The following GREB1 variants were observed in gnomAD, a reference collection of about 807,000 sequenced individuals.
GREB1 encodes the protein growth regulating estrogen receptor binding 1, also known as protein GREB1.
Under a neutral mutation model 200.7 loss-of-function variants are expected in GREB1, and 106 were observed. That is an observed-to-expected ratio of 0.53 (90% CI 0.45 to 0.62). The LOEUF is 0.62. Ranked by LOEUF, GREB1 falls within the 20% of genes least tolerant of loss-of-function variation. The probability of loss-of-function intolerance (pLI) is 0.00; values close to 1 mark genes in which losing one functional copy is unlikely to be tolerated. For missense variants in GREB1, 2,243 were observed against 2,556.8 expected, an observed-to-expected ratio of 0.88 and a Z score of 2.65; for synonymous variants, 1,132 against 1,092.4, an observed-to-expected ratio of 1.04 and a Z score of -0.72.
At chr2:11,557,254 G>A (rs1209242715) in intron 2 of GREB1, among the ~76,000 whole-genome samples, 1 of 152,136 alleles carries the variant, frequency 6.6e-6, no homozygotes, top group Non-Finnish European at 1.5e-5. Flanking sequence ...AATTCTCTTC[G>A]GGCATAGGGA....
chr2:11,574,198 C>T (rs1026088586), intron 4 of GREB1, among the ~76,000 whole-genome samples: 3 of 152,206 alleles, frequency 2.0e-5, no homozygotes, highest in African/African-American at 4.8e-5. Flanking sequence ...CGATGTTAAC[C>T]GGCTGCCTGC....
chr2:11,507,946 C>T (rs981294258), intron 1 of GREB1, among the ~76,000 whole-genome samples: 3 of 152,194 alleles, frequency 2.0e-5, no homozygotes, highest in Non-Finnish European at 4.4e-5. Flanking sequence ...CTCATCTAAA[C>T]AGAGGCTGCA....
At chr2:11,614,125 A>AT (rs34678522) in intron 19 of GREB1, among the ~76,000 whole-genome samples, 8,802 of 99,482 alleles carry the variant, frequency 0.088, 459 homozygotes, top group East Asian at 0.3. Context: ...GCGGACTTAG[A>AT]TTTTTTTTTT....
intron 21 of GREB1, among the ~76,000 whole-genome samples, chr2:11,617,123 T>G (rs1683477538): frequency 6.6e-6 from 1 of 152,190 alleles, no homozygotes; most frequent in Admixed American, 6.5e-5. Context: ...ACATGGAGAC[T>G]TCACTGGGGG....
chr2:11,548,861 CT>C lies in GREB1; in HGVS notation c.-161-7592del, dbSNP rs1675544309. On this transcript the variant is annotated intron_variant, in intron 1 of 32. Coordinates refer to ENST00000381486, the MANE Select transcript of GREB1 (RefSeq NM_014668.4). This position sits in a 1 kb window ranked among gnomAD's most constrained non-coding sequence, Gnocchi z 5.1. ...CATTTCAGAAAATGGTTTTACTCTA[CT>C]CTCACTTTGATTATTATTTTTGTTG... Among the ~76,000 whole-genome samples, 1 of 152,176 alleles carries C rather than the reference CT, an allele frequency of 6.6e-6. No individual in the cohort carries two copies. Among genetic ancestry groups the C allele is most frequent in the Non-Finnish European group, 1.5e-5 (1 of 68,038 alleles).
At chr2:11,588,278 GT>G (rs1680374553) in intron 9 of GREB1, 1 of 1,072,304 alleles carries the variant, frequency 9.3e-7, no homozygotes, top group African/African-American at 1.7e-5. Flanking sequence ...GTGATATATT[GT>G]CCCAACTCAC....
intron 22 of GREB1, among the ~76,000 whole-genome samples, chr2:11,620,269 C>G (rs1248537433): frequency 6.6e-6 from 1 of 152,152 alleles, no homozygotes. Context: ...GCCAGGAAAC[C>G]CACGCCTGTA....
chr2:11,562,310 G>A (rs954545818), intron 2 of GREB1, among the ~76,000 whole-genome samples, 153 bp from the exon 3 acceptor site: 1 of 152,226 alleles, frequency 6.6e-6, no homozygotes, highest in African/African-American at 2.4e-5. Context: ...GACGTGCTGA[G>A]TGCTTGTTAA....
chr2:11,587,331 C>G, intron 9 of GREB1: 1 of 1,312,076 alleles, frequency 7.6e-7, no homozygotes, highest in Non-Finnish European at 1.1e-6. Flanking sequence ...TGACAAATGT[C>G]ACATACTTGC....
At chr2:11,636,674 G>A (rs1558674797) in intron 30 of GREB1, among the ~76,000 whole-genome samples, 1 of 152,214 alleles carries the variant, frequency 6.6e-6, no homozygotes, top group Non-Finnish European at 1.5e-5. Context: ...GGGAAGTGAT[G>A]TTAAAGGAGA....
chr2:11,605,783 T>C (rs1682225906), intron 17 of GREB1, among the ~76,000 whole-genome samples: 1 of 152,232 alleles, frequency 6.6e-6, no homozygotes, highest in Non-Finnish European at 1.5e-5. Context: ...AATAGTTTGT[T>C]CCTTTTTACT....
chr2:11,638,544 T>C, intron 31 of GREB1, 127 bp from the exon 32 acceptor site: 1 of 698,824 alleles, frequency 1.4e-6, no homozygotes, highest in Non-Finnish European at 2.4e-6. Context: ...GAAAATATTG[T>C]CTCTGGCCCC....
rs1026976995 is a variant in GREB1, at chr2:11,591,384, ACTTT to A, written c.1346-1388_1346-1385del. 5.4e-6 allele frequency: 4 copies of A among 734,428 alleles called. No homozygotes were observed. In the African/African-American group the frequency reaches 6.8e-5, roughly 13 times the overall value. 45.5% of individuals were successfully genotyped at this position (734,428 alleles called of 1,614,324 possible). A position where few individuals can be genotyped will look rare whatever the true frequency, so the allele number is the denominator to read the frequency against. ...CACCTTCTAAATGGAAGCCTGACGCACTTTCTTCCAGCACATCAAATACGAAATC... is the reference window on the plus strand; with the variant it reads ...CACCTTCTAAATGGAAGCCTGACGCACTTCCAGCACATCAAATACGAAATC... On this transcript the variant is annotated intron_variant, in intron 10 of 32. Transcript: ENST00000381486.
intron 1 of GREB1, among the ~76,000 whole-genome samples, chr2:11,552,447 A>G (rs957483724): frequency 1.3e-5 from 2 of 152,234 alleles, no homozygotes; most frequent in Admixed American, 1.3e-4. Flanking sequence ...TCTCCACTCC[A>G]TGCGGCATTT....
chr2:11,597,399 C>G lies in GREB1; in HGVS notation c.1955-382C>G, dbSNP rs931663365. On this transcript the variant is annotated intron_variant, in intron 13 of 32. Transcript: ENST00000381486. This position sits in a 1 kb window ranked among gnomAD's most constrained non-coding sequence, Gnocchi z 4.1. ...GATGTTTTTTATTCATACAGAGTTC[C>G]TAAATGACTGTCGTGTTAGTTTTCT... Among the ~76,000 whole-genome samples, 1 of 152,058 alleles carries G rather than the reference C, an allele frequency of 6.6e-6. No homozygotes were observed. Among genetic ancestry groups the G allele is most frequent in the African/African-American group, 2.4e-5 (1 of 41,392 alleles).
upstream of GREB1, among the ~76,000 whole-genome samples, chr2:11,529,571 C>G (rs1029462491): frequency 6.6e-6 from 1 of 152,202 alleles, no homozygotes; most frequent in Admixed American, 6.5e-5. Flanking sequence ...TGTGAGCCCC[C>G]TGGAGTTCCC....
intron 1 of GREB1, among the ~76,000 whole-genome samples, chr2:11,507,287 T>C (rs1673207279): frequency 6.6e-6 from 1 of 151,734 alleles, no homozygotes; most frequent in African/African-American, 2.4e-5. Flanking sequence ...CAGGTGCCTA[T>C]AATCCCAGCT....
chr2:11,497,833 T>C (rs1572551380), intron 1 of GREB1, among the ~76,000 whole-genome samples: 1 of 152,170 alleles, frequency 6.6e-6, no homozygotes, highest in Non-Finnish European at 1.5e-5. Flanking sequence ...TGCTTTGTTA[T>C]ACTATTGAGT....
chr2:11,634,755 A>G (rs1338759709), intron 29 of GREB1, among the ~76,000 whole-genome samples: 1 of 152,176 alleles, frequency 6.6e-6, no homozygotes, highest in African/African-American at 2.4e-5. Context: ...GCAGTGGACC[A>G]CGGCCTGCGT....
Sources: allele counts gnomAD v4.1 joint callset (sites outside exome capture counted in the v4.1 genomes callset), GRCh38; gene constraint gnomAD v4.1.1; non-coding constraint Gnocchi (gnomAD v3.1); transcripts MANE v1.5; gene names NCBI Gene and HGNC (gene_info 2026-07-23, HGNC 2026-07-21).